XKR4: variants seen among roughly 807,000 people sequenced by gnomAD.
XKR4 encodes XK-related protein 4.
XKR4 carries 12 observed loss-of-function variants against 53.9 expected under a neutral mutation model. The observed-to-expected ratio is 0.22, with a 90% CI of 0.14 to 0.36. The LOEUF is 0.36. Among genes scored for constraint, XKR4 ranks in the 10% least tolerant of loss-of-function variants. XKR4 has a pLI of 1.00. For synonymous variants in XKR4, 354 were observed against 362.4 expected, an observed-to-expected ratio of 0.98 and a Z score of 0.26; for missense variants, 799 against 859.5, an observed-to-expected ratio of 0.93 and a Z score of 0.88.
In XKR4 at chr8:55,454,414, C is replaced by T. The variant is rs149469418; in HGVS notation, c.1007-68867C>T. The T allele has an allele frequency of 5.9e-5, 78 of 1,322,804 alleles. No individual in the cohort carries two copies. In the African/African-American group the frequency reaches 9.2e-4, roughly 16 times the overall value. The allele number at this position is 1,322,804 out of a possible 1,614,324, so 81.9% of individuals were successfully genotyped here. On this transcript the variant is annotated intron_variant, in intron 2 of 2. Coordinates refer to ENST00000327381, the MANE Select transcript of XKR4 (RefSeq NM_052898.2). ...GAGGAAACAGCAATGCCAGGAGGCT[C>T]CTGCAGGCATCGGTGAGCTGCTGGT...
At chr8:55,271,228 C>T (rs1313797035) in intron 1 of XKR4, among the ~76,000 whole-genome samples, 4 of 151,868 alleles carry the variant, frequency 2.6e-5, no homozygotes, top group Admixed American at 1.3e-4. Flanking sequence ...ATCTCTTTTC[C>T]TCTCCGTGGC....
intron 2 of XKR4, chr8:55,453,681 C>T (rs1350623637): frequency 7.4e-6 from 3 of 408,140 alleles, no homozygotes; most frequent in Non-Finnish European, 1.4e-5. Context: ...GGCCGGGGCG[C>T]CCATCTCAGG....
intron 2 of XKR4, among the ~76,000 whole-genome samples, chr8:55,511,175 C>T (rs1043615213): frequency 1.3e-5 from 2 of 152,146 alleles, no homozygotes; most frequent in African/African-American, 4.8e-5. Flanking sequence ...GTTCCAGTCC[C>T]TTCCCACCCC....
intron 2 of XKR4, among the ~76,000 whole-genome samples, chr8:55,464,741 T>G (rs1448890519): frequency 7.0e-6 from 1 of 142,186 alleles, no homozygotes. Context: ...AAAACCCCAT[T>G]TTCTCAGCCC....
intron 2 of XKR4, among the ~76,000 whole-genome samples, chr8:55,372,579 C>A (rs1318892667): frequency 1.4e-5 from 2 of 146,102 alleles, no homozygotes; most frequent in Non-Finnish European, 3.0e-5. Context: ...AAGCCACAGA[C>A]AGTTATAGGA....
At chr8:55,196,087 GA>G (rs1391302255) in intron 1 of XKR4, among the ~76,000 whole-genome samples, 1 of 151,940 alleles carries the variant, frequency 6.6e-6, no homozygotes, top group African/African-American at 2.4e-5. Context: ...CAGGCAGAGA[GA>G]AGCCACTCAG....
At chr8:55,318,104 G>A (rs1803136722) in intron 1 of XKR4, among the ~76,000 whole-genome samples, 1 of 152,124 alleles carries the variant, frequency 6.6e-6, no homozygotes, top group South Asian at 2.1e-4. Context: ...TTGTTGGCTT[G>A]AATCAATGTC....
chr8:55,102,510 A>G lies in XKR4; in HGVS notation c.22A>G (p.Arg8Gly), dbSNP rs1398122857. Residue 8 changes from arginine (R) to glycine (G), a missense_variant, in exon 1 of 3, where the codon AGG becomes GGG. Arg to Gly is a moderately radical substitution (Grantham distance 125). This residue lies in a region of XKR4 where 476 missense variants were observed against 505.4 expected (regional missense o/e 0.94). Transcript: ENST00000327381. The surrounding 1 kb of genome is among the most constrained non-coding windows in gnomAD (Gnocchi z 5.1). MAAKSDG[R>G]LKMKKSSDVA... is the part of the protein sequence containing the mutation. ...CATCATGGCCGCTAAATCAGACGGG[A>G]GGCTGAAAATGAAGAAAAGCAGCGA... 1 of 1,547,760 alleles carries G rather than the reference A, an allele frequency of 6.5e-7. No homozygotes were observed. Among genetic ancestry groups the G allele is most frequent in the African/African-American group, 1.4e-5 (1 of 70,118 alleles).
chr8:55,418,658 T>A (rs894766416), intron 2 of XKR4, among the ~76,000 whole-genome samples: 1 of 152,080 alleles, frequency 6.6e-6, no homozygotes, highest in Non-Finnish European at 1.5e-5. Flanking sequence ...TTCATCTCAC[T>A]CCTCTATTCA....
chr8:55,366,168 A>C (rs997758097), intron 2 of XKR4, among the ~76,000 whole-genome samples: 2 of 152,164 alleles, frequency 1.3e-5, no homozygotes, highest in African/African-American at 4.8e-5. Context: ...CCTACCTTCC[A>C]ACCTCCCACC....
At chr8:55,143,670 C>T (rs1027741944) in intron 1 of XKR4, among the ~76,000 whole-genome samples, 1 of 152,208 alleles carries the variant, frequency 6.6e-6, no homozygotes. Context: ...GAAACACACA[C>T]ACTTGGTGGT....
chr8:55,320,208 C>CA (rs1219560861), intron 1 of XKR4, among the ~76,000 whole-genome samples: 7 of 152,314 alleles, frequency 4.6e-5, no homozygotes, highest in Non-Finnish European at 8.8e-5. Context: ...TGCAAAACAA[C>CA]AGAGCTGACA....
intron 2 of XKR4, among the ~76,000 whole-genome samples, chr8:55,446,008 G>T (rs1210423922): frequency 6.6e-6 from 1 of 152,184 alleles, no homozygotes; most frequent in Non-Finnish European, 1.5e-5. Flanking sequence ...AGCCATTTCT[G>T]TCTGAAGGGC....
intron 1 of XKR4, chr8:55,164,542 T>C (rs1374269791): frequency 2.3e-6 from 1 of 434,102 alleles, no homozygotes; most frequent in African/African-American, 2.0e-5. Context: ...GAACTTCTTT[T>C]TACATTGAGG....
intron 2 of XKR4, among the ~76,000 whole-genome samples, chr8:55,492,262 G>A (rs897926773): frequency 2.0e-5 from 3 of 152,130 alleles, no homozygotes; most frequent in East Asian, 1.9e-4. Context: ...ATTCAGAACC[G>A]GATAATTTGT....
chr8:55,484,421 C>A (rs1466283062), intron 2 of XKR4, among the ~76,000 whole-genome samples: 1 of 152,096 alleles, frequency 6.6e-6, no homozygotes, highest in Non-Finnish European at 1.5e-5. Flanking sequence ...AAACCATTGA[C>A]AAAATATTTG....
intron 2 of XKR4, among the ~76,000 whole-genome samples, chr8:55,509,461 T>C (rs1431327692): frequency 2.0e-5 from 3 of 152,202 alleles, no homozygotes; most frequent in East Asian, 1.9e-4. Flanking sequence ...ACTTCAAATA[T>C]GTAGGCCTTC....
At position 55,541,971 on chromosome 8, in the gene XKR4, A is replaced by T. The variant is rs1333954117; in HGVS notation, c.*17744A>T. On this transcript the variant is annotated 3_prime_UTR_variant, in exon 3 of 3. Coordinates refer to ENST00000327381, the MANE Select transcript of XKR4 (RefSeq NM_052898.2). ...TTTGTGATGAAATGAAGTGGAAAGTAGTACTTCATAATGAACAAATTTCCT... is the reference window on the plus strand; with the variant it reads ...TTTGTGATGAAATGAAGTGGAAAGTTGTACTTCATAATGAACAAATTTCCT... The T allele has an allele frequency of 6.6e-6, 1 of 152,188 alleles. No homozygotes were observed. Among genetic ancestry groups the T allele is most frequent in the Admixed American group, 6.5e-5 (1 of 15,270 alleles). 9.4% of individuals were successfully genotyped at this position (152,188 alleles called of 1,614,324 possible). A position where few individuals can be genotyped will look rare whatever the true frequency, so the allele number is the denominator to read the frequency against.
chr8:55,400,387 T>TTCTGGTG (rs1276934698), intron 2 of XKR4, among the ~76,000 whole-genome samples: 2 of 152,290 alleles, frequency 1.3e-5, no homozygotes, highest in African/African-American at 2.4e-5. Flanking sequence ...ACCTCCCAGG[T>TTCTGGTG]TCTGGTGTCT....
Sources: gnomAD v4.1 joint callset for allele counts (sites outside exome capture counted in the v4.1 genomes callset) on GRCh38, gnomAD v4.1.1 for gene constraint, gnomAD v4.1.1 regional missense constraint, Gnocchi (gnomAD v3.1) non-coding constraint, MANE v1.5 for transcripts, NCBI Gene and HGNC (gene_info 2026-07-23, HGNC 2026-07-21) for gene names.